SNX9: variants seen among roughly 807,000 people sequenced by gnomAD.
SNX9 encodes sorting nexin-9.
In SNX9, 44 loss-of-function variants were observed where a neutral mutation model predicts 89.4. That is an observed-to-expected ratio of 0.49 (90% CI 0.39 to 0.63). The LOEUF (loss-of-function observed/expected upper bound fraction) is 0.63, where lower values mean the gene tolerates loss of function less well. SNX9 is among the 30% of genes least tolerant of loss of function. The pLI, the probability that SNX9 is intolerant of heterozygous loss-of-function variation, is 0.00. For missense variants in SNX9, 578 were observed against 736.1 expected, an observed-to-expected ratio of 0.79 and a Z score of 2.49; for synonymous variants, 236 against 247.8, an observed-to-expected ratio of 0.95 and a Z score of 0.45.
At chr6:157,925,417 G>A (rs1170407739) in intron 10 of SNX9, among the ~76,000 whole-genome samples, 1 of 152,008 alleles carries the variant, frequency 6.6e-6, no homozygotes, top group African/African-American at 2.4e-5. Context: ...GACTAATTTG[G>A]AAAAGTTTGG....
chr6:157,890,769 A>G (rs1782841280), intron 4 of SNX9, among the ~76,000 whole-genome samples: 1 of 152,216 alleles, frequency 6.6e-6, no homozygotes. Context: ...GAGTGATTGT[A>G]TATGTCGATT....
chr6:157,832,736 G>GA (rs1256375077), intron 1 of SNX9, among the ~76,000 whole-genome samples: 1 of 152,158 alleles, frequency 6.6e-6, no homozygotes, highest in African/African-American at 2.4e-5. Flanking sequence ...GAATTCATGA[G>GA]AACAGCATGG....
At chr6:157,864,205 T>C (rs1206916249) in intron 1 of SNX9, among the ~76,000 whole-genome samples, 2 of 152,258 alleles carry the variant, frequency 1.3e-5, no homozygotes, top group East Asian at 3.9e-4. Flanking sequence ...TGTTGTGTCC[T>C]GACACAGCAG....
intron 4 of SNX9, among the ~76,000 whole-genome samples, chr6:157,878,695 G>C (rs1782566743): frequency 6.6e-6 from 1 of 152,012 alleles, no homozygotes; most frequent in Non-Finnish European, 1.5e-5. Flanking sequence ...CCTCCCAATT[G>C]CATCCGGCCT....
At chr6:157,890,161 G>C (rs1782827044) in intron 4 of SNX9, among the ~76,000 whole-genome samples, 1 of 152,150 alleles carries the variant, frequency 6.6e-6, no homozygotes, top group South Asian at 2.1e-4. Context: ...AGTGTACCAG[G>C]ATTCGTCTTG....
At chr6:157,935,888 A>G (rs1366258748) in intron 13 of SNX9, 76 bp from the exon 14 acceptor site, 2 of 1,044,204 alleles carry the variant, frequency 1.9e-6, no homozygotes, top group East Asian at 2.9e-5. Context: ...TACCAATAAA[A>G]TCAATAATAA....
rs564796461 is a variant in SNX9 at position 157,896,799 on chromosome 6, T to C, written c.301-28T>C. ...TCATGGTTTCCAAAAGTCACAAAAA[T>C]TCTCCTTCTTTTTACCCCTCTCAAT... On this transcript the variant is annotated intron_variant, in intron 4 of 17. Transcript: ENST00000392185. The C allele has an allele frequency of 8.9e-5, 144 of 1,611,796 alleles. 1 individual carries two copies. In the South Asian group the frequency reaches 1.6e-3, roughly 18 times the overall value.
At chr6:157,933,820 G>C (rs527807109) in intron 13 of SNX9, among the ~76,000 whole-genome samples, 2 of 152,306 alleles carry the variant, frequency 1.3e-5, no homozygotes, top group African/African-American at 2.4e-5. Context: ...ACTGGGAGCT[G>C]CTTCGTGATT....
At chr6:157,914,631 C>T (rs1159538675) in intron 9 of SNX9, among the ~76,000 whole-genome samples, 2 of 151,928 alleles carry the variant, frequency 1.3e-5, no homozygotes, top group African/African-American at 2.4e-5. Flanking sequence ...CTCTCATCAA[C>T]ACTTCTTGTT....
At chr6:157,860,296 A>G (rs529036825) in intron 1 of SNX9, among the ~76,000 whole-genome samples, 19 of 152,328 alleles carry the variant, frequency 1.2e-4, no homozygotes, top group Admixed American at 2.0e-4. Flanking sequence ...AGTCCTGTCT[A>G]TCAGGAGGCT....
At chr6:157,839,776 C>G (rs1781658278) in intron 1 of SNX9, among the ~76,000 whole-genome samples, 2 of 152,196 alleles carry the variant, frequency 1.3e-5, no homozygotes, top group African/African-American at 2.4e-5. Flanking sequence ...CCAGTCTCCT[C>G]TTTAGGCCTT....
chr6:157,934,099 G>A (rs1187880080), intron 13 of SNX9: 1 of 152,174 alleles, frequency 6.6e-6, no homozygotes, highest in Non-Finnish European at 1.5e-5. Flanking sequence ...GCTATACTAT[G>A]CGATCTTGCA....
chr6:157,896,601 A>G (rs1200820146), intron 4 of SNX9, among the ~76,000 whole-genome samples: 1 of 152,242 alleles, frequency 6.6e-6, no homozygotes, highest in African/African-American at 2.4e-5. Flanking sequence ...TCCTAAGCAA[A>G]TACGGTAAAA....
intron 13 of SNX9, among the ~76,000 whole-genome samples, chr6:157,935,416 A>G (rs1422438634): frequency 2.0e-5 from 3 of 152,194 alleles, no homozygotes; most frequent in Non-Finnish European, 4.4e-5. Flanking sequence ...TGAAGAGAAC[A>G]CAGGGACAGG....
In SNX9 at chr6:157,850,559, T is replaced by G. The variant is rs994339224; in HGVS notation, c.13-16988T>G. ...GCTCACATGCACATTATCTTTCGAG[T>G]TTGCTGGGGGAGTCTCTTCCCTTGG... On this transcript the variant is annotated intron_variant, in intron 1 of 17. Transcript: ENST00000392185. Among the ~76,000 whole-genome samples the G allele has an allele frequency of 4.6e-5, 7 of 151,876 alleles. No individual in the cohort carries two copies. The South Asian group carries it at 8.3e-4, about 18-fold the overall frequency.
At chr6:157,838,979 G>A (rs542991001) in intron 1 of SNX9, among the ~76,000 whole-genome samples, 1 of 152,296 alleles carries the variant, frequency 6.6e-6, no homozygotes, top group Non-Finnish European at 1.5e-5. Flanking sequence ...TTCCAGGTAA[G>A]CTGTTGTTTG....
At chr6:157,834,175 T>TG (rs1781533777) in intron 1 of SNX9, among the ~76,000 whole-genome samples, 5 of 120,764 alleles carry the variant, frequency 4.1e-5, no homozygotes, top group Non-Finnish European at 8.4e-5. Flanking sequence ...TTTTTTTTTT[T>TG]TTTTTTTTTT....
intron 1 of SNX9, among the ~76,000 whole-genome samples, chr6:157,825,123 C>T (rs1781317486): frequency 6.6e-6 from 1 of 152,132 alleles, no homozygotes; most frequent in Non-Finnish European, 1.5e-5. Context: ...TGGCGCGCGC[C>T]TGTAGCCCCA....
intron 1 of SNX9, among the ~76,000 whole-genome samples, chr6:157,860,131 AC>A (rs1343152710): frequency 2.6e-5 from 4 of 152,104 alleles, no homozygotes; most frequent in Admixed American, 2.6e-4. Flanking sequence ...AGGAAAAGCA[AC>A]CCCTCATTTA....
Sources: gnomAD v4.1 joint callset for allele counts (sites outside exome capture counted in the v4.1 genomes callset) on GRCh38, gnomAD v4.1.1 for gene constraint, MANE v1.5 for transcripts, NCBI Gene and HGNC (gene_info 2026-07-23, HGNC 2026-07-21) for gene names.